CDH12: variants seen among roughly 807,000 people sequenced by gnomAD.
CDH12 encodes the protein cadherin 12.
Under a neutral mutation model 74.1 loss-of-function variants are expected in CDH12, and 41 were observed. The ratio of observed to expected loss-of-function variants is 0.55; its 90% confidence interval spans 0.43 to 0.72. The LOEUF (loss-of-function observed/expected upper bound fraction) is 0.72. CDH12 is among the 30% of genes least tolerant of loss of function. The pLI is 0.00. For synonymous variants in CDH12, 399 were observed against 355.0 expected (o/e 1.12, Z -1.39); for missense variants, 945 against 977.2 (o/e 0.97, Z 0.44).
intron 3 of CDH12, among the ~76,000 whole-genome samples, chr5:22,331,432 A>T (rs532516275): frequency 6.6e-6 from 1 of 152,260 alleles, no homozygotes; most frequent in Non-Finnish European, 1.5e-5. Flanking sequence ...CTGCCTGGTA[A>T]TCCATGGAAT....
chr5:22,422,332 T>C (rs1326289695), intron 2 of CDH12, among the ~76,000 whole-genome samples: 1 of 152,192 alleles, frequency 6.6e-6, no homozygotes, highest in African/African-American at 2.4e-5. Context: ...TTCTTCTGCA[T>C]CTATTGAGAT....
intron 4 of CDH12, among the ~76,000 whole-genome samples, chr5:22,096,544 A>G (rs1440738591): frequency 1.3e-5 from 2 of 151,902 alleles, no homozygotes; most frequent in Non-Finnish European, 2.9e-5. Flanking sequence ...CCTCCACCCT[A>G]TAATCCTTTT....
intron 1 of CDH12, among the ~76,000 whole-genome samples, chr5:22,508,477 T>G (rs1736484545): frequency 6.6e-6 from 1 of 152,182 alleles, no homozygotes; most frequent in Non-Finnish European, 1.5e-5. Flanking sequence ...TGTAAAGAAT[T>G]TCTATTAACA....
intron 1 of CDH12, among the ~76,000 whole-genome samples, chr5:22,733,222 T>C (rs1744519414): frequency 6.6e-6 from 1 of 151,860 alleles, no homozygotes; most frequent in South Asian, 2.1e-4. Flanking sequence ...TAAAAAATAA[T>C]TTGTCACCAG....
chr5:21,800,528 C>T (rs1384454409), intron 10 of CDH12, among the ~76,000 whole-genome samples: 1 of 152,080 alleles, frequency 6.6e-6, no homozygotes, highest in Non-Finnish European at 1.5e-5. Flanking sequence ...TCTCTTTCTC[C>T]AGTGTCTGGA....
At chr5:22,147,789 C>A (rs148078873) in intron 4 of CDH12, among the ~76,000 whole-genome samples, 1 of 152,106 alleles carries the variant, frequency 6.6e-6, no homozygotes, top group Non-Finnish European at 1.5e-5. Flanking sequence ...ATGGGGAAAA[C>A]TGTCCCCCCA....
intron 4 of CDH12, among the ~76,000 whole-genome samples, chr5:22,129,781 A>G (rs1476118361): frequency 6.6e-6 from 1 of 152,100 alleles, no homozygotes; most frequent in Non-Finnish European, 1.5e-5. Flanking sequence ...TGGTATTATT[A>G]CTTAGCAACA....
At chr5:22,150,301 T>C (rs1192910809) in intron 4 of CDH12, among the ~76,000 whole-genome samples, 1 of 152,078 alleles carries the variant, frequency 6.6e-6, no homozygotes, top group Non-Finnish European at 1.5e-5. Flanking sequence ...ACATATTTAA[T>C]GTCTAATTTG....
At chr5:22,708,021 G>GCC (rs1743105563) in intron 1 of CDH12, among the ~76,000 whole-genome samples, 2 of 152,130 alleles carry the variant, frequency 1.3e-5, no homozygotes, top group Admixed American at 1.3e-4. Context: ...TTTGAAGGCT[G>GCC]TCCTAAAATA....
At chr5:21,850,375 C>T (rs1225445947) in intron 7 of CDH12, among the ~76,000 whole-genome samples, 1 of 151,098 alleles carries the variant, frequency 6.6e-6, no homozygotes, top group Non-Finnish European at 1.5e-5. Context: ...TTAATTTGTT[C>T]TACTATAGAA....
intron 1 of CDH12, among the ~76,000 whole-genome samples, chr5:22,732,776 T>C (rs560423861): frequency 2.6e-5 from 4 of 151,696 alleles, no homozygotes; most frequent in Non-Finnish European, 5.9e-5. Flanking sequence ...GGCAGATTCT[T>C]CTTTGCAGTC....
At chr5:22,435,492 A>G (rs561802958) in intron 2 of CDH12, among the ~76,000 whole-genome samples, 134 of 67,020 alleles carry the variant, frequency 2.0e-3, no homozygotes, top group Middle Eastern at 0.016. Flanking sequence ...ATGTATGTGT[A>G]TATATATGTG....
intron 1 of CDH12, among the ~76,000 whole-genome samples, chr5:22,732,935 T>C (rs1475288009): frequency 6.6e-6 from 1 of 151,884 alleles, no homozygotes; most frequent in Admixed American, 6.6e-5. Context: ...TTTAGAACAG[T>C]CTTTCAACAC....
At chr5:22,580,556 G>T in intron 1 of CDH12, 1 of 474,530 alleles carries the variant, frequency 2.1e-6, no homozygotes, top group Non-Finnish European at 4.3e-6. Context: ...GCTCATCAGG[G>T]CTGTATGTGT....
chr5:22,809,224 A>G (rs1469388299), intron 1 of CDH12, among the ~76,000 whole-genome samples: 2 of 152,046 alleles, frequency 1.3e-5, no homozygotes, highest in Admixed American at 6.6e-5. Context: ...TTTATTCATT[A>G]AGGCATATAA....
At chr5:22,315,898 A>AT (rs987930157) in intron 3 of CDH12, among the ~76,000 whole-genome samples, 74 of 149,894 alleles carry the variant, frequency 4.9e-4, no homozygotes, top group Middle Eastern at 3.4e-3. Flanking sequence ...TAGGAGTTTC[A>AT]TTTTTTTTTT....
At chr5:22,846,605 CT>C (rs1737315739) in intron 1 of CDH12, among the ~76,000 whole-genome samples, 1 of 152,100 alleles carries the variant, frequency 6.6e-6, no homozygotes, top group Non-Finnish European at 1.5e-5. Flanking sequence ...ATTAGAATTG[CT>C]GGATTTTGAA....
chr5:22,653,455 GA>G (rs79277022), intron 1 of CDH12, among the ~76,000 whole-genome samples: 131 of 138,452 alleles, frequency 9.5e-4, no homozygotes, highest in Middle Eastern at 3.6e-3. Context: ...GATCAAAAAG[GA>G]AAAAAAAAAA....
At chr5:22,754,528 A>G (rs545541128) in intron 1 of CDH12, among the ~76,000 whole-genome samples, 1 of 150,534 alleles carries the variant, frequency 6.6e-6, no homozygotes, top group African/African-American at 2.4e-5. Context: ...GAGTAAAATC[A>G]TCAAGGAAAG....
Sources: gnomAD v4.1 joint callset for allele counts (sites outside exome capture counted in the v4.1 genomes callset) on GRCh38, gnomAD v4.1.1 for gene constraint, MANE v1.5 for transcripts, NCBI Gene and HGNC (gene_info 2026-07-23, HGNC 2026-07-21) for gene names.